Variants in GLRX3 observed in about 807,000 individuals in gnomAD.
GLRX3 encodes glutaredoxin-3.
In GLRX3, 22 loss-of-function variants were observed where a neutral mutation model predicts 49.5. That is an observed-to-expected ratio of 0.44 (90% CI 0.32 to 0.63). GLRX3 has a LOEUF of 0.63. Among genes scored for constraint, GLRX3 ranks in the 30% least tolerant of loss-of-function variants. The pLI is 0.05. For synonymous variants in GLRX3, 133 were observed against 140.0 expected, an observed-to-expected ratio of 0.95 and a Z score of 0.35; for missense variants, 385 against 396.3, an observed-to-expected ratio of 0.97 and a Z score of 0.24.
At chr10:130,166,821 G>C in intron 5 of GLRX3, 98 bp from the exon 6 acceptor site, 3 of 927,362 alleles carry the variant, frequency 3.2e-6, no homozygotes, top group Non-Finnish European at 1.7e-6. Flanking sequence ...CAGTATTTCT[G>C]ATTAGTTGAT....
intron 10 of GLRX3, among the ~76,000 whole-genome samples, chr10:130,176,021 A>G (rs953547677): frequency 2.0e-5 from 3 of 152,190 alleles, no homozygotes; most frequent in Non-Finnish European, 4.4e-5. Context: ...GCCTCAATCC[A>G]TGAGAGAATT....
intron 2 of GLRX3, among the ~76,000 whole-genome samples, chr10:130,152,898 C>G (rs1162433748): frequency 6.6e-6 from 1 of 152,120 alleles, no homozygotes; most frequent in African/African-American, 2.4e-5. Flanking sequence ...AAGAGTGTTT[C>G]CTAACTTGGT....
chr10:130,171,694 A>G, intron 8 of GLRX3, 58 bp downstream of exon 8: 1 of 917,198 alleles, frequency 1.1e-6, no homozygotes, highest in South Asian at 1.3e-5. Flanking sequence ...GGCCAGGCGT[A>G]GTGGCTCACG....
chr10:130,151,537 A>G (rs1019969398), intron 2 of GLRX3, among the ~76,000 whole-genome samples: 1 of 151,740 alleles, frequency 6.6e-6, no homozygotes, highest in African/African-American at 2.4e-5. Context: ...CCACCCTCCA[A>G]CAGGCCCCGG....
intron 2 of GLRX3, among the ~76,000 whole-genome samples, chr10:130,147,188 G>C (rs567397162): frequency 6.6e-6 from 1 of 152,250 alleles, no homozygotes; most frequent in East Asian, 1.9e-4. Flanking sequence ...ATAAATAATA[G>C]AAGGGGGCAT....
intron 10 of GLRX3, among the ~76,000 whole-genome samples, chr10:130,177,772 G>A (rs1173783837): frequency 1.3e-5 from 2 of 152,206 alleles, no homozygotes; most frequent in Non-Finnish European, 1.5e-5. Context: ...ACTGAAAGCC[G>A]TCTGGGTTTT....
At chr10:130,147,422 A>G (rs1190686493) in intron 2 of GLRX3, among the ~76,000 whole-genome samples, 3 of 152,236 alleles carry the variant, frequency 2.0e-5, no homozygotes, top group Non-Finnish European at 4.4e-5. Context: ...CAGACTTGGC[A>G]GTGAGATTTT....
intron 6 of GLRX3, among the ~76,000 whole-genome samples, chr10:130,168,823 C>T (rs1042794037): frequency 2.6e-5 from 4 of 152,122 alleles, no homozygotes; most frequent in African/African-American, 4.8e-5. Flanking sequence ...TTTAGTGACC[C>T]GTTGTCCCAG....
At chr10:130,144,466 A>G (rs1350171170) in intron 1 of GLRX3, among the ~76,000 whole-genome samples, 1 of 137,344 alleles carries the variant, frequency 7.3e-6, no homozygotes, top group Non-Finnish European at 1.6e-5. Flanking sequence ...CTTGCCCCCC[A>G]CCCCCTGACA....
intron 10 of GLRX3, among the ~76,000 whole-genome samples, chr10:130,177,070 G>A (rs991252471): frequency 2.0e-5 from 3 of 152,168 alleles, no homozygotes; most frequent in Non-Finnish European, 4.4e-5. Context: ...TTTTCCTTGA[G>A]AAGATATATG....
intron 1 of GLRX3, among the ~76,000 whole-genome samples, chr10:130,144,122 A>T (rs560299367): frequency 6.6e-6 from 1 of 152,164 alleles, no homozygotes; most frequent in African/African-American, 2.4e-5. Flanking sequence ...TGCTGTTTCT[A>T]TGGTCACGGT....
At chr10:130,138,685 A>G (rs1277695715) in intron 1 of GLRX3, among the ~76,000 whole-genome samples, 1 of 152,146 alleles carries the variant, frequency 6.6e-6, no homozygotes, top group Admixed American at 6.5e-5. Flanking sequence ...CACAGGAGTC[A>G]CCAGAAGTGG....
intron 1 of GLRX3, among the ~76,000 whole-genome samples, chr10:130,137,364 G>A (rs1374276206): frequency 6.6e-6 from 1 of 152,234 alleles, no homozygotes; most frequent in African/African-American, 2.4e-5. Context: ...GGAAAGGTCT[G>A]CACGTGGACT....
intron 8 of GLRX3, among the ~76,000 whole-genome samples, chr10:130,172,207 G>C (rs1198551229): frequency 6.6e-6 from 1 of 152,156 alleles, no homozygotes; most frequent in Admixed American, 6.5e-5. Flanking sequence ...ATGTATAACT[G>C]AGTCCTCACC....
intron 6 of GLRX3, 141 bp downstream of exon 6, chr10:130,167,121 G>C: frequency 2.0e-6 from 1 of 509,602 alleles, no homozygotes; most frequent in Non-Finnish European, 3.4e-6. Flanking sequence ...AGTCACATTA[G>C]CCATTCAAAC....
In GLRX3 at chr10:130,174,061, T is replaced by C. The variant is rs553900530; in HGVS notation, c.825-806T>C. 4.7e-4 allele frequency among the ~76,000 whole-genome samples: 71 copies of C among 152,376 alleles called. 1 individual carries two copies. In the Middle Eastern group the frequency reaches 0.014, roughly 29 times the overall value. On this transcript the variant is annotated intron_variant, in intron 8 of 10. Coordinates refer to ENST00000331244, the MANE Select transcript of GLRX3 (RefSeq NM_006541.5). The stretch of plus-strand genomic sequence containing the variant: ...TGACCACCTAACGGTGAAATCGCTC[T>C]GAGTGGATACAGTTGGATATTCATG...
chr10:130,148,622 C>T (rs1443498430), intron 2 of GLRX3, among the ~76,000 whole-genome samples: 2 of 151,808 alleles, frequency 1.3e-5, no homozygotes, highest in Non-Finnish European at 2.9e-5. Flanking sequence ...TTTGTAGGAG[C>T]TGGTAAAAAT....
In GLRX3 at chr10:130,157,937, C is replaced by T. The variant is rs144706614; in HGVS notation, c.202-2058C>T. 5.0e-3 allele frequency among the ~76,000 whole-genome samples: 758 copies of T among 152,210 alleles called. 6 individuals carry two copies. The highest frequency in any genetic ancestry group is 0.017 in the African/African-American group (704 of 41,556). ...TTAAATCCAACAAAAATATTTCTAA[C>T]GAATTTTAGTGCTGCAAGGGTTTTA... is the stretch of plus-strand genomic sequence containing the variant. On this transcript the variant is annotated intron_variant, in intron 2 of 10. Coordinates refer to ENST00000331244, the MANE Select transcript of GLRX3 (RefSeq NM_006541.5).
At chr10:130,137,868 G>A (rs1278990603) in intron 1 of GLRX3, among the ~76,000 whole-genome samples, 1 of 151,956 alleles carries the variant, frequency 6.6e-6, no homozygotes, top group Admixed American at 6.6e-5. Context: ...CCGAGTAGCT[G>A]GGACCACAGG....
Sources: allele counts gnomAD v4.1 joint callset (sites outside exome capture counted in the v4.1 genomes callset), GRCh38; gene constraint gnomAD v4.1.1; transcripts MANE v1.5; gene names NCBI Gene and HGNC (gene_info 2026-07-23, HGNC 2026-07-21).